SORD: variants seen among roughly 807,000 people sequenced by gnomAD.
SORD encodes the protein sorbitol dehydrogenase.
A neutral mutation model predicts 35.6 loss-of-function variants in SORD; 18 were observed. The ratio of observed to expected loss-of-function variants is 0.51; its 90% confidence interval spans 0.35 to 0.75. The LOEUF (loss-of-function observed/expected upper bound fraction) is 0.75. Among genes scored for constraint, SORD ranks in the 30% least tolerant of loss-of-function variants. The pLI is 0.01. For synonymous variants in SORD, 106 were observed against 152.9 expected (o/e 0.69, Z 2.26); for missense variants, 250 against 390.2 (o/e 0.64, Z 3.03).
intron 3 of SORD, among the ~76,000 whole-genome samples, chr15:45,055,840 C>T (rs1473654842): frequency 6.6e-6 from 1 of 152,026 alleles, no homozygotes; most frequent in Admixed American, 6.6e-5. Flanking sequence ...TCAATATACG[C>T]AAATCAATAA....
At chr15:45,041,055 C>T (rs1566959197) in intron 2 of SORD, among the ~76,000 whole-genome samples, 1 of 152,238 alleles carries the variant, frequency 6.6e-6, no homozygotes, top group East Asian at 1.9e-4. Context: ...CTTTACTCCA[C>T]TCCTTCTAGG....
intron 5 of SORD, among the ~76,000 whole-genome samples, chr15:45,067,438 A>T (rs1430636473): frequency 5.9e-5 from 9 of 152,254 alleles, no homozygotes; most frequent in African/African-American, 1.2e-4. Context: ...TGTAGTTTTT[A>T]AATCATGCTT....
intron 7 of SORD, 152 bp downstream of exon 7, chr15:45,069,204 T>TC (rs907098680): frequency 9.4e-6 from 4 of 426,040 alleles, no homozygotes; most frequent in Non-Finnish European, 1.3e-5. Flanking sequence ...CTTTTTTTTT[T>TC]TTTTTTTTTT....
At chr15:45,035,781 C>A (rs1408129798) in intron 1 of SORD, among the ~76,000 whole-genome samples, 1 of 152,176 alleles carries the variant, frequency 6.6e-6, no homozygotes, top group Non-Finnish European at 1.5e-5. Context: ...GACCACGAGC[C>A]CACCGGGAGG....
chr15:45,024,269 A>G lies in SORD; in HGVS notation c.66+920A>G, dbSNP rs142113193. Reference sequence around the variant, plus strand: ...CTGTACCTCTTTTCCCTCAAAGTACATGCGTCAGTATGTAAACTGCAGTAA... The same window carrying G: ...CTGTACCTCTTTTCCCTCAAAGTACGTGCGTCAGTATGTAAACTGCAGTAA... On this transcript the variant is annotated intron_variant, in intron 1 of 8. Transcript: ENST00000267814. 3.1e-3 allele frequency among the ~76,000 whole-genome samples: 468 copies of G among 152,312 alleles called. 4 individuals carry two copies. Among genetic ancestry groups the G allele is most frequent in the African/African-American group, 0.011 (452 of 41,568 alleles).
chr15:45,052,048 A>C (rs1264613836), intron 3 of SORD, among the ~76,000 whole-genome samples: 4 of 152,218 alleles, frequency 2.6e-5, no homozygotes, highest in African/African-American at 9.6e-5. Flanking sequence ...CAAAATTTAC[A>C]TTTCCATGTC....
intron 1 of SORD, among the ~76,000 whole-genome samples, chr15:45,027,150 T>C (rs112730365): frequency 0.2 from 29,292 of 147,004 alleles, no homozygotes; most frequent in African/African-American, 0.44. Flanking sequence ...GACTTAAGGA[T>C]TTTCGCTTTT....
chr15:45,066,586 G>C (rs1383156333), intron 5 of SORD, among the ~76,000 whole-genome samples: 24 of 152,174 alleles, frequency 1.6e-4, no homozygotes, highest in Non-Finnish European at 7.3e-5. Flanking sequence ...TAGGGCTGTA[G>C]CTAGCTGCCT....
chr15:45,041,516 G>A (rs905719640), intron 2 of SORD, among the ~76,000 whole-genome samples: 5 of 152,134 alleles, frequency 3.3e-5, no homozygotes, highest in Non-Finnish European at 5.9e-5. Flanking sequence ...TAGATCCACA[G>A]CTTTGCTACT....
chr15:45,030,635 C>T (rs545847906), intron 1 of SORD, among the ~76,000 whole-genome samples: 2 of 152,384 alleles, frequency 1.3e-5, no homozygotes, highest in South Asian at 2.1e-4. Flanking sequence ...AGAATTTTTG[C>T]TCCATATATA....
At chr15:45,048,875 C>A in intron 3 of SORD, among the ~76,000 whole-genome samples, 1 of 152,300 alleles carries the variant, frequency 6.6e-6, no homozygotes, top group Admixed American at 6.5e-5. Flanking sequence ...TAGCTGCCTA[C>A]GTAACTTCCC....
intron 1 of SORD, among the ~76,000 whole-genome samples, chr15:45,034,945 C>T (rs1205444600): frequency 6.6e-6 from 1 of 152,200 alleles, no homozygotes; most frequent in African/African-American, 2.4e-5. Flanking sequence ...GCCGGCCCTG[C>T]GGTTCCCGGG....
chr15:45,023,550 T>C (rs1317582716), intron 1 of SORD, among the ~76,000 whole-genome samples: 3 of 152,238 alleles, frequency 2.0e-5, no homozygotes, highest in Admixed American at 6.5e-5. Flanking sequence ...TCTAGTCGTG[T>C]GCCTCCCGGA....
chr15:45,038,771 T>G (rs936436990), intron 1 of SORD, among the ~76,000 whole-genome samples: 4 of 152,166 alleles, frequency 2.6e-5, no homozygotes, highest in Admixed American at 6.5e-5. Context: ...CCCTTTGGTG[T>G]TGTTTAGTGC....
At chr15:45,045,399 G>A (rs1893030363) in intron 3 of SORD, among the ~76,000 whole-genome samples, 1 of 151,986 alleles carries the variant, frequency 6.6e-6, no homozygotes, top group Admixed American at 6.6e-5. Flanking sequence ...CGGACATGGT[G>A]GCACACACCT....
chr15:45,061,713 C>G (rs1335270140), intron 4 of SORD, among the ~76,000 whole-genome samples: 2 of 151,796 alleles, frequency 1.3e-5, no homozygotes, highest in Non-Finnish European at 1.5e-5. Flanking sequence ...TAAAAAAATA[C>G]AAAAAATTAG....
At chr15:45,062,372 G>A (rs1216885524) in intron 4 of SORD, among the ~76,000 whole-genome samples, 1 of 152,236 alleles carries the variant, frequency 6.6e-6, no homozygotes, top group Non-Finnish European at 1.5e-5. Context: ...CTTTCTGCGT[G>A]GCCCCCCATG....
intron 1 of SORD, among the ~76,000 whole-genome samples, chr15:45,034,712 G>T (rs1004605984): frequency 2.0e-5 from 3 of 152,238 alleles, no homozygotes; most frequent in Non-Finnish European, 4.4e-5. Context: ...CGCCTCCTCT[G>T]CCTGGGCTCC....
At chr15:45,038,182 TC>T (rs1242597419) in intron 1 of SORD, among the ~76,000 whole-genome samples, 3 of 137,636 alleles carry the variant, frequency 2.2e-5, no homozygotes, top group East Asian at 2.0e-4. Flanking sequence ...CTTCCTTCCT[TC>T]CTTCCTTCCT....
Sources: allele counts gnomAD v4.1 joint callset (sites outside exome capture counted in the v4.1 genomes callset), GRCh38; gene constraint gnomAD v4.1.1; transcripts MANE v1.5; gene names NCBI Gene and HGNC (gene_info 2026-07-23, HGNC 2026-07-21).